Variants in AIFM1 observed in about 807,000 individuals in gnomAD.
AIFM1 encodes the protein apoptosis-inducing factor 1, mitochondrial.
AIFM1 carries 3 observed loss-of-function variants against 51.7 expected under a neutral mutation model. The observed-to-expected ratio is 0.06, with a 90% CI of 0.03 to 0.15. AIFM1 has a LOEUF of 0.15. AIFM1 is among the 10% of genes least tolerant of loss of function. AIFM1 has a pLI of 1.00. For synonymous variants in AIFM1, 178 were observed against 179.4 expected (o/e 0.99, Z 0.06); for missense variants, 330 against 476.8 (o/e 0.69, Z 2.87).
chrX:130,157,210 G>A (rs5977216), intron 1 of AIFM1, among the ~76,000 whole-genome samples: 54,554 of 110,858 alleles, frequency 0.49, 10,314 homozygotes, highest in African/African-American at 0.69. Context: ...GACAAAATGT[G>A]AAGTGTCCAG....
rs1475498031 is a variant in AIFM1, at chrX:130,137,097, G to A, written c.1056C>T (p.Thr352=). 8.3e-7 allele frequency: 1 copy of A among 1,211,128 alleles called. No individual in the cohort carries two copies. The highest frequency in any genetic ancestry group is 1.1e-6 in the Non-Finnish European group (1 of 895,188). The change falls in exon 10 of 16, where the codon ACC becomes ACT. Residue 352 remains threonine, a synonymous_variant. Coordinates refer to ENST00000287295, the MANE Select transcript of AIFM1 (RefSeq NM_004208.4). ...KILPEYLSNW[T]MEKVRREGVK... ...CTCTACCTCGTCTGACTTTTTCCAT[G>A]GTCCAGTTGCTGAGGTATTCGGGGA... is the stretch of plus-strand genomic sequence containing the variant.
chrX:130,160,784 TG>T (rs756079933), intron 1 of AIFM1, among the ~76,000 whole-genome samples: 20 of 110,439 alleles, frequency 1.8e-4, no homozygotes, highest in Admixed American at 1.3e-3. Flanking sequence ...GGCTCACATC[TG>T]TAATCCCAGC....
chrX:130,150,155 A>G (rs948109975), intron 2 of AIFM1, among the ~76,000 whole-genome samples: 2 of 110,953 alleles, frequency 1.8e-5, no homozygotes, highest in Non-Finnish European at 3.8e-5. Context: ...TCATTCAGAA[A>G]AACTACACAC....
At position 130,129,566 on chromosome X, in the gene AIFM1, A is replaced by G. The variant is rs73556209; in HGVS notation, c.1833T>C (p.His611=). ...LNEVAKLFNI[H]ED ...ATTCCACTGTGGGGCTTCAGTCTTC[A>G]TGAATGTTGAATAGTTTGGCTACTT... The change falls in exon 16 of 16, where the codon CAT becomes CAC. Residue 611 remains histidine, a synonymous_variant. Transcript: ENST00000287295. 1,275 of 1,208,751 alleles carry G rather than the reference A, an allele frequency of 1.1e-3. 6 individuals carry two copies. The African/African-American group carries it at 0.019, about 18-fold the overall frequency.
At chrX:130,143,791 G>T (rs925930570) in intron 6 of AIFM1, among the ~76,000 whole-genome samples, 1 of 110,106 alleles carries the variant, frequency 9.1e-6, no homozygotes, top group Non-Finnish European at 1.9e-5. Context: ...AGGTTGCAGC[G>T]AGCTGAGATC....
chrX:130,136,773 A>G (rs750850141), intron 10 of AIFM1, 42 bp from the exon 11 acceptor site: 11 of 1,156,028 alleles, frequency 9.5e-6, no homozygotes, highest in Non-Finnish European at 1.3e-5. Context: ...CTACAAGGCT[A>G]TCACTTTCAT....
intron 1 of AIFM1, among the ~76,000 whole-genome samples, chrX:130,158,719 A>G (rs942616829): frequency 1.8e-5 from 2 of 109,276 alleles, no homozygotes; most frequent in African/African-American, 6.6e-5. Flanking sequence ...AAAAAAAAAA[A>G]AAAAAAAAAA....
intron 1 of AIFM1, among the ~76,000 whole-genome samples, chrX:130,162,380 G>T (rs1021560079): frequency 4.5e-5 from 5 of 111,922 alleles, no homozygotes; most frequent in Non-Finnish European, 9.4e-5. Context: ...TTAAAATACA[G>T]ATTCCCAGAA....
chrX:130,144,646 A>G (rs1433974941), intron 6 of AIFM1, among the ~76,000 whole-genome samples: 2 of 111,101 alleles, frequency 1.8e-5, no homozygotes. Flanking sequence ...TGATGTCATC[A>G]CTCTACTGGG....
chrX:130,131,586 C>T, intron 14 of AIFM1, 89 bp downstream of exon 14: 2 of 1,141,673 alleles, frequency 1.8e-6, no homozygotes, highest in African/African-American at 1.8e-5. Context: ...CTGACAAGCC[C>T]CTCTGGCCAA....
chrX:130,134,985 C>T (rs1224413123), intron 12 of AIFM1, among the ~76,000 whole-genome samples: 3 of 111,469 alleles, frequency 2.7e-5, no homozygotes, highest in Non-Finnish European at 5.6e-5. Flanking sequence ...TGCAAGGAAA[C>T]ACAGGGAAGG....
chrX:130,150,326 C>CTTTT (rs755785211), intron 2 of AIFM1, among the ~76,000 whole-genome samples: 9 of 61,648 alleles, frequency 1.5e-4, no homozygotes, highest in African/African-American at 2.6e-4. Context: ...TTATTGGAGA[C>CTTTT]TTTTTTTTTT....
intron 1 of AIFM1, among the ~76,000 whole-genome samples, chrX:130,160,921 G>GA (rs1196919146): frequency 9.4e-6 from 1 of 106,059 alleles, no homozygotes; most frequent in Non-Finnish European, 1.9e-5. Flanking sequence ...TAAATAAAAT[G>GA]AAAAAATAAA....
intron 12 of AIFM1, among the ~76,000 whole-genome samples, chrX:130,133,899 TG>T (rs1265007974): frequency 9.1e-6 from 1 of 109,931 alleles, no homozygotes; most frequent in Non-Finnish European, 1.9e-5. Flanking sequence ...TCCAAAGTGC[TG>T]GGATTACAGG....
At chrX:130,132,720 A>G (rs2030145995) in intron 13 of AIFM1, among the ~76,000 whole-genome samples, 1 of 104,844 alleles carries the variant, frequency 9.5e-6, no homozygotes, top group Admixed American at 1.0e-4. Flanking sequence ...ATCTTTTAGG[A>G]CTGGAATGCT....
At chrX:130,151,992 T>A (rs1003394180) in intron 2 of AIFM1, among the ~76,000 whole-genome samples, 1 of 109,823 alleles carries the variant, frequency 9.1e-6, no homozygotes, top group South Asian at 3.9e-4. Flanking sequence ...TGAGCCGAGA[T>A]TGCACCACTG....
At chrX:130,139,975 T>C in intron 7 of AIFM1, 104 bp from the exon 8 acceptor site, 2 of 699,238 alleles carry the variant, frequency 2.9e-6, no homozygotes, top group South Asian at 2.1e-5. Context: ...CTTAGCACCA[T>C]GGCGGCAACA....
At chrX:130,152,341 G>C (rs1184419318) in intron 2 of AIFM1, among the ~76,000 whole-genome samples, 1 of 110,606 alleles carries the variant, frequency 9.0e-6, no homozygotes, top group African/African-American at 3.3e-5. Context: ...GAATGAGGTC[G>C]ATCTGTCTGA....
chrX:130,158,213 G>C (rs1301009011), intron 1 of AIFM1, among the ~76,000 whole-genome samples: 1 of 111,242 alleles, frequency 9.0e-6, no homozygotes, highest in Non-Finnish European at 1.9e-5. Context: ...GCAGTGAGCC[G>C]AGATTGTGCC....
Sources: gnomAD v4.1 joint callset for allele counts (sites outside exome capture counted in the v4.1 genomes callset) on GRCh38, gnomAD v4.1.1 for gene constraint, MANE v1.5 for transcripts, NCBI Gene and HGNC (gene_info 2026-07-23, HGNC 2026-07-21) for gene names.